NAV3: variants seen among roughly 807,000 people sequenced by gnomAD.
The protein encoded by NAV3 is pore membrane and/or filament interacting like protein 1.
A neutral mutation model predicts 244.7 loss-of-function variants in NAV3; 87 were observed. The ratio of observed to expected loss-of-function variants is 0.36; its 90% CI spans 0.30 to 0.42. NAV3 has a LOEUF of 0.42. Ranked by LOEUF, NAV3 falls within the 20% of genes least tolerant of loss-of-function variation. The pLI, the probability that NAV3 is intolerant of heterozygous loss-of-function variation, is 1.00. For synonymous variants in NAV3, 1,126 were observed against 1,042.2 expected, an observed-to-expected ratio of 1.08 and a Z score of -1.55; for missense variants, 2,663 against 2,893.3, an observed-to-expected ratio of 0.92 and a Z score of 1.83.
chr12:78,119,168 A>G, intron 14 of NAV3, 69 bp from the exon 15 acceptor site: 2 of 1,342,074 alleles, frequency 1.5e-6, no homozygotes, highest in South Asian at 1.4e-5. Context: ...CATTTTACAC[A>G]TTGTTTCACG....
At chr12:78,019,092 G>A (rs887099934) in intron 8 of NAV3, among the ~76,000 whole-genome samples, 2 of 152,112 alleles carry the variant, frequency 1.3e-5, no homozygotes, top group Non-Finnish European at 2.9e-5. Flanking sequence ...CGGTCCTTTT[G>A]TAATAACAGT....
At chr12:77,728,542 A>T (rs1333216120) in intron 2 of NAV3, among the ~76,000 whole-genome samples, 1 of 151,986 alleles carries the variant, frequency 6.6e-6, no homozygotes, top group Non-Finnish European at 1.5e-5. Context: ...GGACAAAATG[A>T]TATAAAACAC....
At chr12:77,684,456 T>C (rs1300417772) in intron 2 of NAV3, among the ~76,000 whole-genome samples, 1 of 152,070 alleles carries the variant, frequency 6.6e-6, no homozygotes, top group East Asian at 1.9e-4. Context: ...TGGCAAGCAG[T>C]GTCCAAATCC....
At chr12:77,665,021 C>T (rs142661899) in intron 2 of NAV3, among the ~76,000 whole-genome samples, 4 of 152,272 alleles carry the variant, frequency 2.6e-5, no homozygotes, top group African/African-American at 9.6e-5. Flanking sequence ...GTGCACACCC[C>T]CTCGCCTGGC....
chr12:77,845,843 G>A (rs1876545077), intron 1 of NAV3, among the ~76,000 whole-genome samples: 1 of 151,932 alleles, frequency 6.6e-6, no homozygotes, highest in Admixed American at 6.6e-5. Context: ...AGTAGAGACG[G>A]GGTGTCTCCA....
intron 2 of NAV3, among the ~76,000 whole-genome samples, chr12:77,703,017 A>C (rs978417170): frequency 6.6e-6 from 1 of 151,910 alleles, no homozygotes; most frequent in Non-Finnish European, 1.5e-5. Flanking sequence ...TTATTTTTTT[A>C]AATAATTTTT....
chr12:77,683,063 G>C (rs1874543115), intron 2 of NAV3, among the ~76,000 whole-genome samples: 1 of 151,904 alleles, frequency 6.6e-6, no homozygotes. Flanking sequence ...TGTGCTTTTG[G>C]GGTGATATCC....
rs116647621 is a variant in NAV3 at position 78,206,585 on chromosome 12, C to T, written c.7038+1447C>T. On this transcript the variant is annotated intron_variant, in intron 39 of 39. Coordinates refer to ENST00000397909, the MANE Select transcript of NAV3 (RefSeq NM_001024383.2). ...CCAATTCTCATAGTCCAGCTCAGCT[C>T]ACCCCATAAAGCACTTTTTTTCCTG... is the stretch of plus-strand genomic sequence containing the variant. Among the ~76,000 whole-genome samples, 959 of 152,202 alleles carry T rather than the reference C, an allele frequency of 6.3e-3. 5 individuals are homozygous for T. The highest frequency in any genetic ancestry group is 0.022 in the African/African-American group (911 of 41,548).
At chr12:78,177,476 C>A in intron 27 of NAV3, 144 bp from the exon 28 acceptor site, 1 of 1,120,036 alleles carries the variant, frequency 8.9e-7, no homozygotes, top group Non-Finnish European at 1.2e-6. Context: ...TCACTGGTTT[C>A]TTTCATTTTC....
intron 1 of NAV3, among the ~76,000 whole-genome samples, chr12:77,865,032 C>T (rs1413949791): frequency 1.3e-5 from 2 of 151,944 alleles, no homozygotes; most frequent in Non-Finnish European, 2.9e-5. Flanking sequence ...ATTCTAATCA[C>T]TTATGGGCAT....
intron 20 of NAV3, 139 bp from the exon 21 acceptor site, chr12:78,146,230 A>G (rs1956858314): frequency 3.3e-6 from 1 of 302,710 alleles, no homozygotes; most frequent in Admixed American, 5.2e-5. Flanking sequence ...ATTTCAATTG[A>G]ATAACTTAAT....
intron 2 of NAV3, among the ~76,000 whole-genome samples, chr12:77,575,661 A>T (rs17043913): frequency 6.6e-6 from 1 of 152,022 alleles, no homozygotes; most frequent in Non-Finnish European, 1.5e-5. Context: ...TGATACTGCT[A>T]TGTAATTAAT....
intron 12 of NAV3, among the ~76,000 whole-genome samples, chr12:78,085,658 G>A (rs558507300): frequency 2.6e-4 from 39 of 152,142 alleles, no homozygotes; most frequent in Middle Eastern, 3.4e-3. Context: ...AACATATTGC[G>A]TGTGGGCTGA....
intron 5 of NAV3, among the ~76,000 whole-genome samples, chr12:77,976,305 A>C (rs539857290): frequency 6.6e-6 from 1 of 152,312 alleles, no homozygotes; most frequent in Admixed American, 6.5e-5. Context: ...AAAAATAAGC[A>C]GATAGCAACA....
chr12:78,049,913 T>G, intron 9 of NAV3, 80 bp from the exon 10 acceptor site: 1 of 827,986 alleles, frequency 1.2e-6, no homozygotes, highest in Admixed American at 2.7e-5. Flanking sequence ...TAAGAAGAGG[T>G]GACTTAATTA....
chr12:77,699,494 G>T (rs1346669864), intron 2 of NAV3, among the ~76,000 whole-genome samples: 1 of 152,084 alleles, frequency 6.6e-6, no homozygotes, highest in Non-Finnish European at 1.5e-5. Flanking sequence ...GGGATGTCTT[G>T]TCTCTATGAT....
intron 2 of NAV3, chr12:77,775,748 C>A (rs373075909): frequency 8.5e-4 from 129 of 152,312 alleles, no homozygotes; most frequent in African/African-American, 3.0e-3. Context: ...AGGTAAGTCA[C>A]AAATGACAAT....
At chr12:77,636,125 C>A (rs892330402) in intron 2 of NAV3, among the ~76,000 whole-genome samples, 2 of 151,932 alleles carry the variant, frequency 1.3e-5, no homozygotes, top group Non-Finnish European at 2.9e-5. Flanking sequence ...AAATCAAAAC[C>A]ACAATGAGAT....
chr12:77,871,025 A>G (rs1880870323), intron 1 of NAV3, among the ~76,000 whole-genome samples: 1 of 152,212 alleles, frequency 6.6e-6, no homozygotes, highest in Non-Finnish European at 1.5e-5. Flanking sequence ...ATGAAGAATG[A>G]AATAAGCACA....
Sources: gnomAD v4.1 joint callset for allele counts (sites outside exome capture counted in the v4.1 genomes callset) on GRCh38, gnomAD v4.1.1 for gene constraint, MANE v1.5 for transcripts, NCBI Gene and HGNC (gene_info 2026-07-23, HGNC 2026-07-21) for gene names.